DOCK3: variants seen among roughly 807,000 people sequenced by gnomAD.
DOCK3 encodes dedicator of cytokinesis 3, also known as dedicator of cytokinesis protein 3.
Under a neutral mutation model 265.6 loss-of-function variants are expected in DOCK3, and 60 were observed. The observed-to-expected ratio is 0.23, with a 90% CI of 0.18 to 0.28. The LOEUF is 0.28. Ranked by LOEUF, DOCK3 falls within the 10% of genes least tolerant of loss-of-function variation. The pLI is 1.00. For synonymous variants in DOCK3, 881 were observed against 938.0 expected (o/e 0.94, Z 1.11); for missense variants, 1,981 against 2,594.3 (o/e 0.76, Z 5.14).
chr3:50,821,140 C>CTTTTTTTTTT (rs771111717), intron 2 of DOCK3, among the ~76,000 whole-genome samples: 17 of 119,460 alleles, frequency 1.4e-4, no homozygotes, highest in African/African-American at 2.6e-4. Flanking sequence ...TTTCTTTTTT[C>CTTTTTTTTTT]TTTTTTTTTT....
chr3:50,923,682 A>G (rs1485372309), intron 4 of DOCK3, among the ~76,000 whole-genome samples: 7 of 152,218 alleles, frequency 4.6e-5, no homozygotes, highest in Non-Finnish European at 1.0e-4. Flanking sequence ...TATTATGGAC[A>G]TTACAGACAT....
Position 51,358,023 on chromosome 3 carries a change from T to C in DOCK3, c.4830T>C (p.Pro1610=). ...HEKFVHPEMR[P]LHKKLIDQFQ... is the part of the protein sequence containing the mutation. ...AGTTTGTGCACCCAGAAATGCGGCC[T>C]CTGCATAAGAAGCTAATTGATCAGT... The change falls in exon 46 of 53, where the codon CCT becomes CCC. Residue 1610 remains proline (P), a synonymous_variant. Transcript: ENST00000266037. 1 of 1,614,010 alleles carries C rather than the reference T, an allele frequency of 6.2e-7. No individual in the cohort carries two copies. Among genetic ancestry groups the C allele is most frequent in the Non-Finnish European group, 8.5e-7 (1 of 1,179,888 alleles).
At chr3:50,702,223 G>T (rs1298826326) in intron 1 of DOCK3, among the ~76,000 whole-genome samples, 1 of 152,040 alleles carries the variant, frequency 6.6e-6, no homozygotes, top group African/African-American at 2.4e-5. Context: ...CCGTTTCTTT[G>T]TGTCCTCTTC....
At chr3:51,234,321 C>A (rs1251395329) in intron 19 of DOCK3, among the ~76,000 whole-genome samples, 1 of 152,066 alleles carries the variant, frequency 6.6e-6, no homozygotes, top group Non-Finnish European at 1.5e-5. Flanking sequence ...GGTCCTTTTT[C>A]CCATCTTTTT....
At chr3:51,107,171 G>A (rs1290354652) in intron 9 of DOCK3, among the ~76,000 whole-genome samples, 1 of 151,852 alleles carries the variant, frequency 6.6e-6, no homozygotes, top group African/African-American at 2.4e-5. Flanking sequence ...AACCCCCAAG[G>A]TCATTAAGTA....
chr3:51,233,316 TTCTATCTATCTA>T (rs71084135), intron 19 of DOCK3, among the ~76,000 whole-genome samples: 42 of 70,448 alleles, frequency 6.0e-4, no homozygotes, highest in East Asian at 1.1e-3. Context: ...TATTCTTTCT[TTCTATCTATCTA>T]TCTATCTATC....
intron 5 of DOCK3, among the ~76,000 whole-genome samples, chr3:50,970,940 TA>T (rs2077205665): frequency 2.7e-5 from 2 of 75,134 alleles, no homozygotes; most frequent in African/African-American, 1.2e-4. Flanking sequence ...TATATATATA[TA>T]TATATAATGT....
intron 12 of DOCK3, among the ~76,000 whole-genome samples, chr3:51,169,548 G>T (rs1411147269): frequency 6.6e-6 from 1 of 152,058 alleles, no homozygotes; most frequent in East Asian, 1.9e-4. Flanking sequence ...AGAACACATG[G>T]ACACAAAGAG....
At chr3:51,106,183 T>G (rs948050917) in intron 9 of DOCK3, among the ~76,000 whole-genome samples, 6 of 152,172 alleles carry the variant, frequency 3.9e-5, no homozygotes, top group African/African-American at 1.2e-4. Flanking sequence ...ATCTGGCCCA[T>G]GAGATAGAGC....
chr3:50,705,032 A>ATTTT (rs34158054), intron 1 of DOCK3, among the ~76,000 whole-genome samples: 2 of 136,612 alleles, frequency 1.5e-5, no homozygotes, highest in Non-Finnish European at 3.1e-5. Context: ...TTGTTTTCTG[A>ATTTT]TTTTTTTTTT....
intron 3 of DOCK3, among the ~76,000 whole-genome samples, chr3:50,873,577 T>A (rs1195112343): frequency 6.6e-6 from 1 of 152,212 alleles, no homozygotes; most frequent in Non-Finnish European, 1.5e-5. Flanking sequence ...GTGTGTTCCC[T>A]AATCCACTGG....
chr3:51,374,588 G>T lies in DOCK3; in HGVS notation c.5412+1G>T. ...AGCAGCCATCCTGGAGAACGGACAGGTAATAGACCCACCACACTGACTGTC... is the reference window on the plus strand; with the variant it reads ...AGCAGCCATCCTGGAGAACGGACAGTTAATAGACCCACCACACTGACTGTC... On this transcript the variant is annotated splice_donor_variant, in intron 50 of 52. Coordinates refer to ENST00000266037, the MANE Select transcript of DOCK3 (RefSeq NM_004947.5). LOFTEE classifies it high-confidence loss of function. The surrounding 1 kb of genome is among the most constrained non-coding windows in gnomAD (Gnocchi z 4.8). 1 of 1,609,202 alleles carries T rather than the reference G, an allele frequency of 6.2e-7. No homozygotes were observed. The highest frequency in any genetic ancestry group is 2.2e-5 in the East Asian group (1 of 44,572).
intron 9 of DOCK3, among the ~76,000 whole-genome samples, chr3:51,097,749 C>G (rs1316645664): frequency 6.6e-6 from 1 of 152,220 alleles, no homozygotes; most frequent in African/African-American, 2.4e-5. Flanking sequence ...GCGTAGGCAC[C>G]TGAGGGAATC....
chr3:50,901,559 G>A (rs2049196931), intron 4 of DOCK3: 2 of 448,766 alleles, frequency 4.5e-6, no homozygotes, highest in Non-Finnish European at 8.9e-6. Context: ...CTGCCCAAAT[G>A]GTCACCTAGT....
intron 12 of DOCK3, among the ~76,000 whole-genome samples, chr3:51,196,842 C>A (rs2088329489): frequency 6.6e-6 from 1 of 152,114 alleles, no homozygotes; most frequent in African/African-American, 2.4e-5. Context: ...ATTTTGAATT[C>A]TTTATCTGGG....
intron 5 of DOCK3, among the ~76,000 whole-genome samples, chr3:50,986,102 AG>A (rs2077891405): frequency 6.6e-6 from 1 of 152,102 alleles, no homozygotes; most frequent in South Asian, 2.1e-4. Flanking sequence ...GATTTGATTC[AG>A]TTTCTATTAT....
At chr3:50,727,810 G>A (rs2037927386) in intron 1 of DOCK3, among the ~76,000 whole-genome samples, 1 of 152,144 alleles carries the variant, frequency 6.6e-6, no homozygotes, top group Admixed American at 6.6e-5. Context: ...AGCAAAACAA[G>A]CTAAAGAAGC....
chr3:51,317,339 G>A lies in DOCK3; in HGVS notation c.3402+2211G>A, dbSNP rs550523854. On this transcript the variant is annotated intron_variant, in intron 32 of 52. Coordinates refer to ENST00000266037, the MANE Select transcript of DOCK3 (RefSeq NM_004947.5). ...AAAAAGAAAAAGAAAAAAGACCTTT[G>A]AAACTTTGTATTCAAAGTTAGGAGG... Among the ~76,000 whole-genome samples, 3 of 150,994 alleles carry A rather than the reference G, an allele frequency of 2.0e-5. No homozygotes were observed. The East Asian group carries it at 5.8e-4, about 29-fold the overall frequency.
intron 4 of DOCK3, chr3:50,900,905 C>G (rs1460334666): frequency 2.3e-6 from 1 of 430,428 alleles, no homozygotes; most frequent in Non-Finnish European, 4.6e-6. Flanking sequence ...TATGAGGTGT[C>G]TGTCGCTCCC....
Sources: allele counts gnomAD v4.1 joint callset (sites outside exome capture counted in the v4.1 genomes callset), GRCh38; gene constraint gnomAD v4.1.1; non-coding constraint Gnocchi (gnomAD v3.1); transcripts MANE v1.5; gene names NCBI Gene and HGNC (gene_info 2026-07-23, HGNC 2026-07-21).